Variants in KCNQ1 observed in about 807,000 individuals in gnomAD.
KCNQ1 encodes the protein potassium voltage-gated channel subfamily KQT member 1.
In KCNQ1, 49 loss-of-function variants were observed where a neutral mutation model predicts 72.4. The observed-to-expected ratio is 0.68, with a 90% CI of 0.54 to 0.86. KCNQ1 has a LOEUF of 0.86. KCNQ1 is among the 40% of genes least tolerant of loss of function. The pLI, the probability that KCNQ1 is intolerant of heterozygous loss-of-function variation, is 0.00. For synonymous variants in KCNQ1, 450 were observed against 412.6 expected, an observed-to-expected ratio of 1.09 and a Z score of -1.10; for missense variants, 790 against 945.1, an observed-to-expected ratio of 0.84 and a Z score of 2.15.
rs1012886824 is a variant in KCNQ1, at chr11:2,588,008, C to T, written c.1251+316C>T. Among the ~76,000 whole-genome samples the T allele has an allele frequency of 6.6e-6, 1 of 151,028 alleles. No individual in the cohort carries two copies. The highest frequency in any genetic ancestry group is 1.5e-5 in the Non-Finnish European group (1 of 67,822). On this transcript the variant is annotated intron_variant, in intron 9 of 15. Coordinates refer to ENST00000155840, the MANE Select transcript of KCNQ1 (RefSeq NM_000218.3). The surrounding 1 kb of genome is among the most constrained non-coding windows in gnomAD (Gnocchi z 5.6). ...GGCCTCAGGGTTGGGCTTTCCACAC[C>T]GGGCGCAGTGGGTGGTGAGCAGTGG...
chr11:2,687,674 G>A lies in KCNQ1; in HGVS notation c.1514+25593G>A, dbSNP rs913197172. 1.5e-5 allele frequency: 6 copies of A among 398,574 alleles called. No individual in the cohort carries two copies. The Admixed American group carries it at 1.8e-4, about 12-fold the overall frequency. 24.7% of individuals were successfully genotyped at this position (398,574 alleles called of 1,614,324 possible). A position where few individuals can be genotyped will look rare whatever the true frequency, so the allele number is the denominator to read the frequency against. ...ACCTGTCCTTGCCAGCCAGGTCTCA[G>A]GGAGCTCAGGGTTCAGTGTTGGAAT... On this transcript the variant is annotated intron_variant, in intron 11 of 15. Transcript: ENST00000155840. The surrounding 1 kb of genome is among the most constrained non-coding windows in gnomAD (Gnocchi z 5.0).
chr11:2,726,262 T>C (rs1398990591), intron 11 of KCNQ1, among the ~76,000 whole-genome samples: 1 of 152,174 alleles, frequency 6.6e-6, no homozygotes, highest in Non-Finnish European at 1.5e-5. Flanking sequence ...CGTGGCAAGA[T>C]GGGCGGGAGT....
intron 1 of KCNQ1, among the ~76,000 whole-genome samples, chr11:2,501,884 A>G (rs1174328688): frequency 3.9e-5 from 6 of 152,214 alleles, no homozygotes; most frequent in African/African-American, 1.4e-4. Flanking sequence ...ATGCAAGGAT[A>G]GTTCAACATA....
intron 1 of KCNQ1, among the ~76,000 whole-genome samples, chr11:2,514,755 G>A (rs915284363): frequency 1.3e-5 from 2 of 152,236 alleles, no homozygotes; most frequent in Non-Finnish European, 2.9e-5. Flanking sequence ...GAACCCGGGA[G>A]GCAGAGCTTG....
At position 2,537,167 on chromosome 11, in the gene KCNQ1, G is replaced by A. The variant is rs1021243319; in HGVS notation, c.477+9149G>A. On this transcript the variant is annotated intron_variant, in intron 2 of 15. Transcript: ENST00000155840. This position sits in a 1 kb window ranked among gnomAD's most constrained non-coding sequence, Gnocchi z 5.2. ...GGCAACCCAGGGGTCTCCAAACCAT[G>A]GCCCACAGGGTGGCTCCCTGTGTGT... 2.6e-5 allele frequency among the ~76,000 whole-genome samples: 4 copies of A among 151,918 alleles called. No individual in the cohort carries two copies. Among genetic ancestry groups the A allele is most frequent in the African/African-American group, 9.7e-5 (4 of 41,216 alleles).
intron 9 of KCNQ1, 84 bp downstream of exon 9, chr11:2,587,776 C>G (rs1848615884): frequency 6.3e-7 from 1 of 1,586,098 alleles, no homozygotes; most frequent in African/African-American, 1.3e-5. Context: ...AGGCTGGGAT[C>G]TCACCATGCA....
rs1205150286 is a variant in KCNQ1 at position 2,745,787 on chromosome 11, C to T, written c.1515-23057C>T. Among the ~76,000 whole-genome samples, 1 of 152,254 alleles carries T rather than the reference C, an allele frequency of 6.6e-6. No homozygotes were observed. The highest frequency in any genetic ancestry group is 1.9e-4 in the East Asian group (1 of 5,200). On this transcript the variant is annotated intron_variant, in intron 11 of 15. Coordinates refer to ENST00000155840, the MANE Select transcript of KCNQ1 (RefSeq NM_000218.3). This position sits in a 1 kb window ranked among gnomAD's most constrained non-coding sequence, Gnocchi z 6.2. ...GGAGAAGGCCGCTCAGCGAGGGCCG[C>T]CTTCAGGCCTGAGCCCGGGGCCAGG... is the stretch of plus-strand genomic sequence containing the variant.
At position 2,703,292 on chromosome 11, in the gene KCNQ1, GGTGTGA is replaced by G. The variant is rs1465163487; in HGVS notation, c.1514+41213_1514+41218del. ...CTTGGGACTCAAGGCTGCAGGGGTG[GGTGTGA>G]GACAGAGAGCCTGGGCACCTGGTGG... On this transcript the variant is annotated intron_variant, in intron 11 of 15. Transcript: ENST00000155840. The surrounding 1 kb of genome is among the most constrained non-coding windows in gnomAD (Gnocchi z 6.4). Among the ~76,000 whole-genome samples, 1 of 152,144 alleles carries G rather than the reference GGTGTGA, an allele frequency of 6.6e-6. No individual in the cohort carries two copies. The highest frequency in any genetic ancestry group is 1.5e-5 in the Non-Finnish European group (1 of 68,020).
chr11:2,793,950 T>TGAG (rs1169275664), intron 15 of KCNQ1, among the ~76,000 whole-genome samples: 1 of 151,758 alleles, frequency 6.6e-6, no homozygotes, highest in African/African-American at 2.4e-5. Context: ...CAGGAGTGAG[T>TGAG]GAGGAGGAGG....
intron 11 of KCNQ1, among the ~76,000 whole-genome samples, chr11:2,732,874 G>A (rs2133942562): frequency 1.3e-5 from 2 of 152,192 alleles, no homozygotes; most frequent in Middle Eastern, 6.8e-3. Context: ...CTGCCCCATG[G>A]GCCCCAGCCC....
At chr11:2,806,816 G>A (rs930433071) in intron 15 of KCNQ1, among the ~76,000 whole-genome samples, 4 of 152,142 alleles carry the variant, frequency 2.6e-5, no homozygotes, top group Non-Finnish European at 4.4e-5. Context: ...AGAGAATAGC[G>A]TGCCCCCAGA....
In KCNQ1 at chr11:2,750,242, C is replaced by A. The variant is rs1347718559; in HGVS notation, c.1515-18602C>A. Among the ~76,000 whole-genome samples, 1 of 152,152 alleles carries A rather than the reference C, an allele frequency of 6.6e-6. No individual in the cohort carries two copies. Among genetic ancestry groups the A allele is most frequent in the East Asian group, 1.9e-4 (1 of 5,194 alleles). ...ACATGTATTCCAGGGAAGAATTGGGCCGGAGGCTGAAACAGGACGACAGAG... is the reference window on the plus strand; with the variant it reads ...ACATGTATTCCAGGGAAGAATTGGGACGGAGGCTGAAACAGGACGACAGAG... On this transcript the variant is annotated intron_variant, in intron 11 of 15. Transcript: ENST00000155840. The surrounding 1 kb of genome is among the most constrained non-coding windows in gnomAD (Gnocchi z 6.3).
rs1848918559 is a variant in KCNQ1 at position 2,608,498 on chromosome 11, CAG to C, written c.1393+19647_1393+19648del. The stretch of plus-strand genomic sequence containing the variant: ...CCTTTTTCCTTTTCTTTTTGAGAAA[CAG>C]AGTCTCTCTCTGTTGCCCAGGCTGG... On this transcript the variant is annotated intron_variant, in intron 10 of 15. Transcript: ENST00000155840. The surrounding 1 kb of genome is among the most constrained non-coding windows in gnomAD (Gnocchi z 4.6). 2 of 398,362 alleles carry C rather than the reference CAG, an allele frequency of 5.0e-6. No individual in the cohort carries two copies. Among genetic ancestry groups the C allele is most frequent in the South Asian group, 1.3e-4 (1 of 7,860 alleles). 24.7% of individuals were successfully genotyped at this position (398,362 alleles called of 1,614,324 possible).
rs535831539 is a variant in KCNQ1 at position 2,567,318 on chromosome 11, AC to A, written c.478-3308del. Among the ~76,000 whole-genome samples, 255 of 152,194 alleles carry A rather than the reference AC, an allele frequency of 1.7e-3. No individual in the cohort carries two copies. The highest frequency in any genetic ancestry group is 2.1e-3 in the Non-Finnish European group (144 of 67,998). On this transcript the variant is annotated intron_variant, in intron 2 of 15. Transcript: ENST00000155840. The surrounding 1 kb of genome is among the most constrained non-coding windows in gnomAD (Gnocchi z 6.6). ...TAGGAGGGTGGCTGGGGCATCACCC[AC>A]CTGGGGTCTGGACTGCTGGAACCAG...
chr11:2,821,390 C>T (rs781345285), intron 15 of KCNQ1, among the ~76,000 whole-genome samples: 121 of 152,182 alleles, frequency 8.0e-4, no homozygotes, highest in Non-Finnish European at 1.6e-3. Flanking sequence ...CACACTTTCT[C>T]GAGAAGTTTC....
At position 2,621,617 on chromosome 11, in the gene KCNQ1, G is replaced by GT. The variant is rs927397646; in HGVS notation, c.1393+32770dup. The GT allele has an allele frequency of 2.3e-4, 93 of 398,216 alleles. 1 individual carries two copies. In the Middle Eastern group the frequency reaches 2.5e-3, roughly 11 times the overall value. 24.7% of individuals were successfully genotyped at this position (398,216 alleles called of 1,614,324 possible). ...TTCCTGATTTAATCTTAGCAGGTTGGTTTTTTTCTAGGAATTTGTCCATTT... is the reference window on the plus strand; with the variant it reads ...TTCCTGATTTAATCTTAGCAGGTTGGTTTTTTTTCTAGGAATTTGTCCATTT... On this transcript the variant is annotated intron_variant, in intron 10 of 15. Transcript: ENST00000155840. The surrounding 1 kb of genome is among the most constrained non-coding windows in gnomAD (Gnocchi z 5.7).
rs1332386700 is a variant in KCNQ1 at position 2,446,694 on chromosome 11, C to A, written c.386+1210C>A. On this transcript the variant is annotated intron_variant, in intron 1 of 15. Transcript: ENST00000155840. This position sits in a 1 kb window ranked among gnomAD's most constrained non-coding sequence, Gnocchi z 8.8. ...CACATCAGGAAGGGGAAGTCTTACC[C>A]ACCTCCCTCCTCAAAGATGTGGTTG... is the stretch of plus-strand genomic sequence containing the variant. Among the ~76,000 whole-genome samples the A allele has an allele frequency of 2.0e-5, 3 of 152,188 alleles. No individual in the cohort carries two copies. Among genetic ancestry groups the A allele is most frequent in the African/African-American group, 7.2e-5 (3 of 41,436 alleles).
rs546521534 is a variant in KCNQ1, at chr11:2,796,242, CT to C, written c.1794+18206del. Among the ~76,000 whole-genome samples, 311 of 152,226 alleles carry C rather than the reference CT, an allele frequency of 2.0e-3. 1 individual carries two copies. Among genetic ancestry groups the C allele is most frequent in the African/African-American group, 7.1e-3 (293 of 41,538 alleles). On this transcript the variant is annotated intron_variant, in intron 15 of 15. Coordinates refer to ENST00000155840, the MANE Select transcript of KCNQ1 (RefSeq NM_000218.3). ...GTCCCACCAGAAGCCAGCACGGCCC[CT>C]GGCCCCCTGCCAGGTGACGCTGCCC...
chr11:2,556,164 G>GC (rs1224440921), intron 2 of KCNQ1, among the ~76,000 whole-genome samples: 2 of 152,106 alleles, frequency 1.3e-5, no homozygotes, highest in South Asian at 2.1e-4. Flanking sequence ...TCCATACAGC[G>GC]CCCCCCGGCC....
Sources: gnomAD v4.1 joint callset for allele counts (sites outside exome capture counted in the v4.1 genomes callset) on GRCh38, gnomAD v4.1.1 for gene constraint, Gnocchi (gnomAD v3.1) non-coding constraint, MANE v1.5 for transcripts, NCBI Gene and HGNC (gene_info 2026-07-23, HGNC 2026-07-21) for gene names.